Variants in NOL10 observed in about 807,000 individuals in gnomAD.
NOL10 encodes H_NH0074G24.1.
In NOL10, 58 loss-of-function variants were observed where a neutral mutation model predicts 103.5. The ratio of observed to expected loss-of-function variants is 0.56; its 90% CI spans 0.45 to 0.70. The LOEUF is 0.70. Among genes scored for constraint, NOL10 ranks in the 30% least tolerant of loss-of-function variants. NOL10 has a pLI of 0.00. For missense variants in NOL10, 763 were observed against 807.3 expected (o/e 0.95, Z 0.67); for synonymous variants, 287 against 282.5 (o/e 1.02, Z -0.16).
intron 17 of NOL10, among the ~76,000 whole-genome samples, chr2:10,597,438 G>A (rs1675751384): frequency 6.6e-6 from 1 of 152,220 alleles, no homozygotes; most frequent in Non-Finnish European, 1.5e-5. Context: ...TTGAGGAGCT[G>A]AGTTCAAAGG....
chr2:10,589,616 T>G lies in NOL10; in HGVS notation c.1558A>C (p.Lys520Gln). The G allele has an allele frequency of 6.3e-7, 1 of 1,591,192 alleles. No individual in the cohort carries two copies. ...VSKISEKRKK[K>Q]LRLLEQQELR... The stretch of plus-strand genomic sequence containing the variant: ...TCTTGTTGCTCTAAGAGTCTTAGTT[T>G]CTTCTTCCTTTTTTCACTAATTTTT... Residue 520 changes from lysine to glutamine, a missense_variant, in exon 18 of 21, where the codon AAA becomes CAA. By Grantham distance (53) the Lys-to-Gln change is moderately conservative. Transcript: ENST00000381685.
intron 16 of NOL10, 103 bp from the exon 17 acceptor site, chr2:10,601,045 A>C: frequency 1.5e-6 from 1 of 661,730 alleles, no homozygotes; most frequent in South Asian, 1.9e-5. Context: ...TTTCATAAAT[A>C]GGAGATAACT....
chr2:10,601,507 T>C (rs550710038), intron 16 of NOL10, among the ~76,000 whole-genome samples: 16 of 152,150 alleles, frequency 1.1e-4, no homozygotes, highest in Admixed American at 1.3e-4. Context: ...CCCAGGGCAC[T>C]GAGAGCCTCT....
At chr2:10,619,246 G>C (rs532656940) in intron 13 of NOL10, among the ~76,000 whole-genome samples, 1 of 152,058 alleles carries the variant, frequency 6.6e-6, no homozygotes, top group African/African-American at 2.4e-5. Context: ...ACGGGCTTAA[G>C]CTATCCTCCT....
intron 12 of NOL10, among the ~76,000 whole-genome samples, chr2:10,648,875 T>C (rs1007413368): frequency 5.3e-5 from 8 of 152,070 alleles, no homozygotes; most frequent in African/African-American, 9.7e-5. Flanking sequence ...TGGGGGACTA[T>C]ACTGGATTGA....
intron 7 of NOL10, among the ~76,000 whole-genome samples, chr2:10,668,018 G>A (rs1448170250): frequency 6.6e-6 from 1 of 152,126 alleles, no homozygotes; most frequent in Non-Finnish European, 1.5e-5. Context: ...TAGTTGTGTG[G>A]CCTTGGGCAA....
intron 13 of NOL10, among the ~76,000 whole-genome samples, chr2:10,621,281 C>A (rs1005569649): frequency 2.0e-5 from 3 of 152,004 alleles, no homozygotes; most frequent in African/African-American, 4.8e-5. Context: ...GCAAAAAAAA[C>A]CAACTGCTAT....
intron 6 of NOL10, among the ~76,000 whole-genome samples, chr2:10,669,506 A>G (rs545143663): frequency 0.023 from 1,259 of 53,612 alleles, 8 homozygotes; most frequent in Admixed American, 0.035. Context: ...ATACACACAC[A>G]CATATATACA....
chr2:10,594,845 T>C (rs549211685), intron 17 of NOL10, among the ~76,000 whole-genome samples: 2 of 151,718 alleles, frequency 1.3e-5, no homozygotes, highest in African/African-American at 4.8e-5. Flanking sequence ...TATACATACA[T>C]ATATATTAGC....
intron 13 of NOL10, among the ~76,000 whole-genome samples, chr2:10,616,998 T>G (rs1258238159): frequency 1.0e-5 from 1 of 95,472 alleles, no homozygotes; most frequent in African/African-American, 5.5e-5. Flanking sequence ...TCTCTCTAGA[T>G]ACTCAGTGAC....
chr2:10,599,457 T>C (rs1558280405), intron 17 of NOL10, among the ~76,000 whole-genome samples: 2 of 152,360 alleles, frequency 1.3e-5, no homozygotes, highest in South Asian at 4.1e-4. Context: ...CAAAGACTTG[T>C]ATTCTAAACA....
intron 15 of NOL10, 93 bp from the exon 16 acceptor site, chr2:10,602,967 C>A (rs1393884090): frequency 8.2e-7 from 1 of 1,213,798 alleles, no homozygotes; most frequent in Non-Finnish European, 1.2e-6. Flanking sequence ...AAAGAACAGG[C>A]AGATCCCCTA....
chr2:10,639,398 G>T (rs144835180), intron 13 of NOL10, among the ~76,000 whole-genome samples: 1 of 152,136 alleles, frequency 6.6e-6, no homozygotes, highest in Non-Finnish European at 1.5e-5. Context: ...CTCCAGCCTG[G>T]GCGACAGAGC....
At chr2:10,680,349 G>GAGAAGAGGGAGAGGC (rs1244434546) in intron 3 of NOL10, among the ~76,000 whole-genome samples, 2 of 107,632 alleles carry the variant, frequency 1.9e-5, no homozygotes, top group Non-Finnish European at 3.6e-5. Context: ...GAGGGAGAGG[G>GAGAAGAGGGAGAGGC]AGAAGAGGGA....
chr2:10,573,076 AT>A (rs201338334), intron 20 of NOL10, among the ~76,000 whole-genome samples: 3 of 151,678 alleles, frequency 2.0e-5, no homozygotes, highest in African/African-American at 7.3e-5. Flanking sequence ...AAAAAAAAAA[AT>A]TTCTTAGCGG....
chr2:10,572,320 G>C, intron 20 of NOL10, 130 bp from the exon 21 acceptor site: 1 of 971,314 alleles, frequency 1.0e-6, no homozygotes, highest in South Asian at 1.5e-5. Flanking sequence ...CTGCCCACAG[G>C]CTCCAGGGGA....
chr2:10,676,719 C>T (rs1205978708), intron 3 of NOL10, among the ~76,000 whole-genome samples: 2 of 150,682 alleles, frequency 1.3e-5, no homozygotes, highest in African/African-American at 2.4e-5. Context: ...CTCACTGCAA[C>T]CTCCGCCTCC....
intron 19 of NOL10, among the ~76,000 whole-genome samples, chr2:10,581,645 A>G (rs964395124): frequency 3.3e-5 from 5 of 152,116 alleles, no homozygotes; most frequent in African/African-American, 1.2e-4. Context: ...TGGGCAACAA[A>G]ATGAGACCCC....
At position 10,606,666 on chromosome 2, in the gene NOL10, T is replaced by C. The variant is rs112247688; in HGVS notation, c.1153+519A>G. Among the ~76,000 whole-genome samples, 1,143 of 152,132 alleles carry C rather than the reference T, an allele frequency of 7.5e-3. 14 individuals carry two copies. Among genetic ancestry groups the C allele is most frequent in the African/African-American group, 0.026 (1,076 of 41,484 alleles). On this transcript the variant is annotated intron_variant, in intron 14 of 20. Transcript: ENST00000381685. ...ATAGTAAGCCCTATCTCATAAGTATTTGCTGTTCTTTTAAGACACTTCTTG... is the reference window on the plus strand; with the variant it reads ...ATAGTAAGCCCTATCTCATAAGTATCTGCTGTTCTTTTAAGACACTTCTTG...
Sources: gnomAD v4.1 joint callset for allele counts (sites outside exome capture counted in the v4.1 genomes callset) on GRCh38, gnomAD v4.1.1 for gene constraint, MANE v1.5 for transcripts, NCBI Gene and HGNC (gene_info 2026-07-23, HGNC 2026-07-21) for gene names.